Variants in BRINP3 observed in about 807,000 individuals in gnomAD.
The protein encoded by BRINP3 is BMP/retinoic acid inducible neural specific 3, also known as BMP/retinoic acid-inducible neural-specific protein 3.
BRINP3 carries 19 observed loss-of-function variants against 71.0 expected under a neutral mutation model. The observed-to-expected ratio is 0.27, with a 90% confidence interval of 0.19 to 0.39. BRINP3 has a LOEUF of 0.39. Ranked by LOEUF, BRINP3 falls within the 10% of genes least tolerant of loss-of-function variation. BRINP3 has a pLI of 1.00. For missense variants in BRINP3, 959 were observed against 940.8 expected (o/e 1.02, Z -0.25); for synonymous variants, 380 against 337.7 (o/e 1.13, Z -1.37).
intron 2 of BRINP3, among the ~76,000 whole-genome samples, chr1:190,389,791 G>T (rs1365913698): frequency 6.6e-6 from 1 of 151,804 alleles, no homozygotes; most frequent in Non-Finnish European, 1.5e-5. Context: ...GAAAATTCTT[G>T]CTAATCCTTG....
At chr1:190,448,460 GGTTTGT>G (rs771174928) in intron 2 of BRINP3, among the ~76,000 whole-genome samples, 35 of 65,520 alleles carry the variant, frequency 5.3e-4, no homozygotes, top group East Asian at 1.3e-3. Flanking sequence ...CTACACTTGG[GGTTTGT>G]GTGTGTGTGT....
chr1:190,276,764 C>T (rs908488692), intron 3 of BRINP3, among the ~76,000 whole-genome samples: 2 of 149,620 alleles, frequency 1.3e-5, no homozygotes, highest in Admixed American at 1.3e-4. Context: ...TTTTTTATTC[C>T]AACAATGAAG....
intron 2 of BRINP3, among the ~76,000 whole-genome samples, chr1:190,338,472 G>C (rs1667435711): frequency 6.6e-6 from 1 of 151,950 alleles, no homozygotes; most frequent in Admixed American, 6.6e-5. Flanking sequence ...TTGTCCAGAG[G>C]AGAAAATAGT....
intron 2 of BRINP3, among the ~76,000 whole-genome samples, chr1:190,343,844 TTTC>T (rs1470910661): frequency 6.6e-6 from 1 of 151,654 alleles, no homozygotes; most frequent in Non-Finnish European, 1.5e-5. Context: ...AGCAAGTAGA[TTTC>T]TTCTTATAAA....
intron 1 of BRINP3, among the ~76,000 whole-genome samples, chr1:190,475,132 G>A (rs150249074): frequency 6.6e-6 from 1 of 152,242 alleles, no homozygotes; most frequent in East Asian, 1.9e-4. Flanking sequence ...AAAGGAAGGA[G>A]TGACCGTCAG....
intron 2 of BRINP3, among the ~76,000 whole-genome samples, chr1:190,375,089 A>T (rs1322918629): frequency 6.6e-6 from 1 of 152,050 alleles, no homozygotes; most frequent in Non-Finnish European, 1.5e-5. Context: ...CAAATAAATC[A>T]GGTATAATGG....
chr1:190,223,513 A>C (rs1360121301), intron 6 of BRINP3, among the ~76,000 whole-genome samples: 1 of 151,992 alleles, frequency 6.6e-6, no homozygotes. Flanking sequence ...AATACACTTC[A>C]AAATTATAAA....
intron 3 of BRINP3, among the ~76,000 whole-genome samples, chr1:190,276,733 T>C (rs1268029512): frequency 1.3e-5 from 2 of 151,458 alleles, no homozygotes; most frequent in Non-Finnish European, 3.0e-5. Context: ...GTTAATACTA[T>C]TTTTGCACAT....
chr1:190,274,784 A>AGTATG (rs1394175073), intron 3 of BRINP3, among the ~76,000 whole-genome samples: 1 of 151,608 alleles, frequency 6.6e-6, no homozygotes, highest in Admixed American at 6.6e-5. Flanking sequence ...CTAATCTACT[A>AGTATG]GTATGGTATT....
intron 4 of BRINP3, among the ~76,000 whole-genome samples, chr1:190,252,634 A>G (rs980518366): frequency 1.3e-5 from 2 of 152,048 alleles, no homozygotes; most frequent in African/African-American, 2.4e-5. Flanking sequence ...ATGCTGAGTT[A>G]GGTTCATTTA....
chr1:190,218,431 G>C (rs1656592869), intron 6 of BRINP3, among the ~76,000 whole-genome samples: 1 of 151,842 alleles, frequency 6.6e-6, no homozygotes, highest in Non-Finnish European at 1.5e-5. Context: ...ATTTTTAATT[G>C]ATGTGTATTT....
At chr1:190,286,112 A>G (rs770616910) in intron 2 of BRINP3, among the ~76,000 whole-genome samples, 1 of 152,130 alleles carries the variant, frequency 6.6e-6, no homozygotes, top group East Asian at 1.9e-4. Flanking sequence ...TTTAACCAGA[A>G]CATTACTTTG....
chr1:190,112,560 A>G (rs1652783887), intron 7 of BRINP3, among the ~76,000 whole-genome samples: 1 of 152,168 alleles, frequency 6.6e-6, no homozygotes, highest in African/African-American at 2.4e-5. Flanking sequence ...ACAGTCTTGG[A>G]TTATGAAAAA....
intron 2 of BRINP3, among the ~76,000 whole-genome samples, chr1:190,364,228 T>C (rs565764405): frequency 4.3e-4 from 65 of 152,242 alleles, no homozygotes; most frequent in African/African-American, 1.5e-3. Flanking sequence ...TTGAGTTTTG[T>C]ATAAGTATTT....
intron 2 of BRINP3, among the ~76,000 whole-genome samples, chr1:190,327,558 TA>T (rs945203779): frequency 6.7e-6 from 1 of 148,918 alleles, no homozygotes. Context: ...CCAACAACAG[TA>T]AAAAAGGAAA....
chr1:190,282,368 A>C (rs990231279), intron 2 of BRINP3, among the ~76,000 whole-genome samples: 3 of 151,974 alleles, frequency 2.0e-5, no homozygotes, highest in African/African-American at 7.2e-5. Flanking sequence ...AAAATGAAAG[A>C]TATGTCTATA....
chr1:190,376,167 T>C (rs1670170204), intron 2 of BRINP3, among the ~76,000 whole-genome samples: 1 of 151,948 alleles, frequency 6.6e-6, no homozygotes, highest in East Asian at 1.9e-4. Context: ...GCTTTTTTTT[T>C]TAATATAGTA....
At chr1:190,402,916 G>T (rs1337281444) in intron 2 of BRINP3, among the ~76,000 whole-genome samples, 1 of 151,912 alleles carries the variant, frequency 6.6e-6, no homozygotes, top group Non-Finnish European at 1.5e-5. Flanking sequence ...TGGTAGACAC[G>T]GTGTTTTGCT....
intron 2 of BRINP3, among the ~76,000 whole-genome samples, chr1:190,301,282 A>G (rs940933105): frequency 3.5e-5 from 5 of 142,684 alleles, no homozygotes; most frequent in African/African-American, 1.0e-4. Flanking sequence ...ACTGGGGTCA[A>G]TATTTTACCA....
Sources: allele counts gnomAD v4.1 joint callset (sites outside exome capture counted in the v4.1 genomes callset), GRCh38; gene constraint gnomAD v4.1.1; transcripts MANE v1.5; gene names NCBI Gene and HGNC (gene_info 2026-07-23, HGNC 2026-07-21).